NCLN: variants seen among roughly 807,000 people sequenced by gnomAD.
The protein encoded by NCLN is nicalin.
In NCLN, 34 loss-of-function variants were observed where a neutral mutation model predicts 69.5. That is an observed-to-expected ratio of 0.49 (90% CI 0.37 to 0.65). NCLN has a LOEUF of 0.65. NCLN is among the 30% of genes least tolerant of loss of function. The probability of loss-of-function intolerance (pLI) is 0.00; values close to 1 mark genes in which losing one functional copy is unlikely to be tolerated. For missense variants in NCLN, 710 were observed against 804.8 expected, an observed-to-expected ratio of 0.88 and a Z score of 1.42; for synonymous variants, 393 against 358.3, an observed-to-expected ratio of 1.10 and a Z score of -1.09.
At chr19:3,187,791 A>G (rs1004123538) in intron 1 of NCLN, among the ~76,000 whole-genome samples, 1 of 152,132 alleles carries the variant, frequency 6.6e-6, no homozygotes, top group Admixed American at 6.5e-5. Context: ...GGTGGTGTAT[A>G]AACCCAAGGC....
In NCLN at chr19:3,204,240, G is replaced by A. The variant is rs1177767614; in HGVS notation, c.1029+96G>A. 6.9e-5 allele frequency: 95 copies of A among 1,370,590 alleles called. 1 individual carries two copies. The highest frequency in any genetic ancestry group is 8.5e-5 in the Non-Finnish European group (89 of 1,046,028). The allele number at this position is 1,370,590 out of a possible 1,614,324, so 84.9% of individuals were successfully genotyped here. On this transcript the variant is annotated intron_variant, in intron 8 of 14. Coordinates refer to ENST00000246117, the MANE Select transcript of NCLN (RefSeq NM_020170.4). ...CTGTCCCAGGGTGTCCTTGCTGTCC[G>A]CCCCTCAGGCTCTGAGGGCCACACT...
At chr19:3,187,043 C>T (rs1402506390) in intron 1 of NCLN, among the ~76,000 whole-genome samples, 2 of 152,142 alleles carry the variant, frequency 1.3e-5, no homozygotes, top group African/African-American at 2.4e-5. Context: ...CCTTTGACCC[C>T]CTTTCTGTCC....
chr19:3,194,744 CTTTT>C (rs745406038), intron 3 of NCLN, among the ~76,000 whole-genome samples: 1 of 136,490 alleles, frequency 7.3e-6, no homozygotes. Flanking sequence ...GAGTCGTCTT[CTTTT>C]TTTTTTTTTT....
At chr19:3,198,526 CAAACAA>C (rs1916033582) in intron 4 of NCLN, among the ~76,000 whole-genome samples, 2 of 147,562 alleles carry the variant, frequency 1.4e-5, no homozygotes, top group African/African-American at 5.0e-5. Context: ...AAAAAAAACA[CAAACAA>C]AAAAAAAAAA....
At position 3,185,935 on chromosome 19, in the gene NCLN, C is replaced by G. The variant is rs1295571791; in HGVS notation, c.-96C>G. On this transcript the variant is annotated 5_prime_UTR_variant, in exon 1 of 15. Coordinates refer to ENST00000246117, the MANE Select transcript of NCLN (RefSeq NM_020170.4). ...CTGCCCCGCGCGGCGCCCGCAGGAC[C>G]CCGGCGGCTACCCATGCCGAGGTGA... 10 of 949,086 alleles carry G rather than the reference C, an allele frequency of 1.1e-5. No individual in the cohort carries two copies. Among genetic ancestry groups the G allele is most frequent in the Non-Finnish European group, 1.4e-5 (10 of 737,666 alleles). The allele number at this position is 949,086 out of a possible 1,614,324, so 58.8% of individuals were successfully genotyped here. A position where few individuals can be genotyped will look rare whatever the true frequency, so the allele number is the denominator to read the frequency against.
At chr19:3,191,150 A>G (rs1915814005) in intron 1 of NCLN, among the ~76,000 whole-genome samples, 1 of 149,964 alleles carries the variant, frequency 6.7e-6, no homozygotes. Flanking sequence ...TGCAGGGGTG[A>G]AGTGGCAGCA....
At position 3,207,994 on chromosome 19, in the gene NCLN, G is replaced by C. The variant is rs1482467450; in HGVS notation, c.*306G>C. ...GGGAGCCGGCCGCCCTCGGTCTGGT[G>C]TAAGCACACATGCACGATTAAAGAG... is the stretch of plus-strand genomic sequence containing the variant. On this transcript the variant is annotated 3_prime_UTR_variant, in exon 15 of 15. Coordinates refer to ENST00000246117, the MANE Select transcript of NCLN (RefSeq NM_020170.4). 9.2e-6 allele frequency: 4 copies of C among 434,822 alleles called. No individual in the cohort carries two copies. Among genetic ancestry groups the C allele is most frequent in the Non-Finnish European group, 1.3e-5 (3 of 236,790 alleles). 26.9% of individuals were successfully genotyped at this position (434,822 alleles called of 1,614,324 possible). A position where few individuals can be genotyped will look rare whatever the true frequency, so the allele number is the denominator to read the frequency against.
In NCLN at chr19:3,205,027, C is replaced by G. The variant is rs1916229856; in HGVS notation, c.1208+276C>G. On this transcript the variant is annotated intron_variant, in intron 9 of 14. Transcript: ENST00000246117. The surrounding 1 kb of genome is among the most constrained non-coding windows in gnomAD (Gnocchi z 4.6). ...CCTGTTGAGTTAGGAGCAAGCAGCT[C>G]CTGCCTCTGGGCCTCTTCAGGGCCC... is the stretch of plus-strand genomic sequence containing the variant. Among the ~76,000 whole-genome samples the G allele has an allele frequency of 6.6e-6, 1 of 152,212 alleles. No individual in the cohort carries two copies. Among genetic ancestry groups the G allele is most frequent in the Non-Finnish European group, 1.5e-5 (1 of 68,028 alleles).
Position 3,199,014 on chromosome 19 carries a change from G to A in NCLN, c.696+117G>A, listed in dbSNP as rs180867394. On this transcript the variant is annotated intron_variant, in intron 5 of 14. Coordinates refer to ENST00000246117, the MANE Select transcript of NCLN (RefSeq NM_020170.4). ...GGCCAGGGTCAGCGGCTCTCCCTGTGACGGCCTTTGCCCGTCATCCTGGTC... is the reference window on the plus strand; with the variant it reads ...GGCCAGGGTCAGCGGCTCTCCCTGTAACGGCCTTTGCCCGTCATCCTGGTC... 9.1e-4 allele frequency: 601 copies of A among 663,504 alleles called. 2 individuals are homozygous for A. In the African/African-American group the frequency reaches 0.011, roughly 12 times the overall value. 41.1% of individuals were successfully genotyped at this position (663,504 alleles called of 1,614,324 possible).
intron 1 of NCLN, among the ~76,000 whole-genome samples, chr19:3,192,091 G>A (rs1364420557): frequency 1.3e-5 from 2 of 152,212 alleles, no homozygotes; most frequent in East Asian, 1.9e-4. Context: ...GGGAGGCTGC[G>A]GCAGGAGAAT....
chr19:3,186,978 C>G (rs1158540989), intron 1 of NCLN, among the ~76,000 whole-genome samples: 2 of 152,100 alleles, frequency 1.3e-5, no homozygotes, highest in African/African-American at 2.4e-5. Flanking sequence ...ATCTGCTAGC[C>G]CAGCTTCCCT....
Position 3,186,234 on chromosome 19 carries a change from C to T in NCLN, c.184+20C>T, listed in dbSNP as rs373514712. ...CCTACGGTGCGTGTCCCCGGCCCAC[C>T]CTCGGGGCTCCCCGGGCTCCCCGGC... On this transcript the variant is annotated intron_variant, in intron 1 of 14. Transcript: ENST00000246117. 46 of 1,465,254 alleles carry T rather than the reference C, an allele frequency of 3.1e-5. No homozygotes were observed. In the African/African-American group the frequency reaches 5.1e-4, roughly 16 times the overall value. The allele number at this position is 1,465,254 out of a possible 1,614,324, so 90.8% of individuals were successfully genotyped here.
At chr19:3,202,047 C>G (rs1286499817) in intron 6 of NCLN, among the ~76,000 whole-genome samples, 1 of 152,156 alleles carries the variant, frequency 6.6e-6, no homozygotes, top group African/African-American at 2.4e-5. Flanking sequence ...ATGATAGCCA[C>G]AGGTGCCCTC....
chr19:3,208,112 G>T lies in NCLN; in HGVS notation c.*424G>T. ...GGACTGCAGGCCTGACCTGCTCCCT[G>T]CTCCGTGTCTGTCCTAGGACGTCCC... On this transcript the variant is annotated 3_prime_UTR_variant, in exon 15 of 15. Coordinates refer to ENST00000246117, the MANE Select transcript of NCLN (RefSeq NM_020170.4). 5.3e-6 allele frequency: 1 copy of T among 189,608 alleles called. No homozygotes were observed. Among genetic ancestry groups the T allele is most frequent in the Admixed American group, 5.5e-5 (1 of 18,194 alleles). 11.7% of individuals were successfully genotyped at this position (189,608 alleles called of 1,614,324 possible). A position where few individuals can be genotyped will look rare whatever the true frequency, so the allele number is the denominator to read the frequency against.
At position 3,207,263 on chromosome 19, in the gene NCLN, C is replaced by T; in HGVS notation, c.1553+12C>T. 1 of 1,613,608 alleles carries T rather than the reference C, an allele frequency of 6.2e-7. No individual in the cohort carries two copies. Among genetic ancestry groups the T allele is most frequent in the Non-Finnish European group, 8.5e-7 (1 of 1,180,012 alleles). ...ATGAATGCGTACAGGTGAGTGGTGG[C>T]CAGCGGGACCTGGAGCCCTTCACCC... On this transcript the variant is annotated intron_variant, in intron 13 of 14. Transcript: ENST00000246117.
chr19:3,190,150 G>A (rs533924088), intron 1 of NCLN, among the ~76,000 whole-genome samples: 2 of 152,308 alleles, frequency 1.3e-5, no homozygotes, highest in East Asian at 3.9e-4. Flanking sequence ...CAGGGGAGGG[G>A]TGCTCCCAGC....
At position 3,205,133 on chromosome 19, in the gene NCLN, G is replaced by A. The variant is rs972547434; in HGVS notation, c.1208+382G>A. Reference sequence around the variant, plus strand: ...CGCCACCACACCCCGGCCCTTCCTCGCCCCGCCTCCCTCTGGGCACTGTGT... The same window carrying A: ...CGCCACCACACCCCGGCCCTTCCTCACCCCGCCTCCCTCTGGGCACTGTGT... On this transcript the variant is annotated intron_variant, in intron 9 of 14. Coordinates refer to ENST00000246117, the MANE Select transcript of NCLN (RefSeq NM_020170.4). This position sits in a 1 kb window ranked among gnomAD's most constrained non-coding sequence, Gnocchi z 4.6. 1.3e-5 allele frequency among the ~76,000 whole-genome samples: 2 copies of A among 152,024 alleles called. No individual in the cohort carries two copies. Among genetic ancestry groups the A allele is most frequent in the African/African-American group, 2.4e-5 (1 of 41,400 alleles).
At position 3,201,508 on chromosome 19, in the gene NCLN, C is replaced by T. The variant is rs202225395; in HGVS notation, c.697-15C>T. ...GGCGGGGGTGACTGTGGCCTTGCCTCTCCCGTCCCTGTAGTGGCTGTCGCT... is the reference window on the plus strand; with the variant it reads ...GGCGGGGGTGACTGTGGCCTTGCCTTTCCCGTCCCTGTAGTGGCTGTCGCT... On this transcript the variant is annotated splice_polypyrimidine_tract_variant and intron_variant, in intron 5 of 14. Transcript: ENST00000246117. 69 of 1,542,688 alleles carry T rather than the reference C, an allele frequency of 4.5e-5. No homozygotes were observed. In the East Asian group the frequency reaches 1.4e-3, roughly 32 times the overall value.
chr19:3,199,014 G>C (rs180867394), intron 5 of NCLN, 117 bp downstream of exon 5: 1 of 663,386 alleles, frequency 1.5e-6, no homozygotes, highest in African/African-American at 1.9e-5. Context: ...CTCTCCCTGT[G>C]ACGGCCTTTG....
Sources: gnomAD v4.1 joint callset for allele counts (sites outside exome capture counted in the v4.1 genomes callset) on GRCh38, gnomAD v4.1.1 for gene constraint, Gnocchi (gnomAD v3.1) non-coding constraint, MANE v1.5 for transcripts, NCBI Gene and HGNC (gene_info 2026-07-23, HGNC 2026-07-21) for gene names.